The following TTYH3 variants were observed in gnomAD, a reference collection of about 807,000 sequenced individuals.
TTYH3 encodes protein tweety homolog 3.
TTYH3 carries 23 observed loss-of-function variants against 68.2 expected under a neutral mutation model. The observed-to-expected ratio is 0.34, with a 90% CI of 0.24 to 0.48. The LOEUF is 0.48. TTYH3 is among the 20% of genes least tolerant of loss of function. TTYH3 has a pLI of 0.99. For missense variants in TTYH3, 768 were observed against 727.7 expected, an observed-to-expected ratio of 1.06 and a Z score of -0.64; for synonymous variants, 360 against 332.8, an observed-to-expected ratio of 1.08 and a Z score of -0.89.
chr7:2,662,265 G>A lies in TTYH3; in HGVS notation c.*526G>A. The A allele has an allele frequency of 5.6e-6, 1 of 177,332 alleles. No homozygotes were observed. Among genetic ancestry groups the A allele is most frequent in the South Asian group, 1.2e-4 (1 of 8,012 alleles). 11.0% of individuals were successfully genotyped at this position (177,332 alleles called of 1,614,324 possible). A position where few individuals can be genotyped will look rare whatever the true frequency, so the allele number is the denominator to read the frequency against. On this transcript the variant is annotated 3_prime_UTR_variant, in exon 14 of 14. Coordinates refer to ENST00000258796, the MANE Select transcript of TTYH3 (RefSeq NM_025250.3). ...CTCCACGTGCCCATCTCTCTGCAGTGCCCTCCTCGCCTGTGCAGCCCGCCC... is the reference window on the plus strand; with the variant it reads ...CTCCACGTGCCCATCTCTCTGCAGTACCCTCCTCGCCTGTGCAGCCCGCCC...
chr7:2,659,794 C>T, intron 13 of TTYH3: 1 of 1,100,198 alleles, frequency 9.1e-7, no homozygotes, highest in South Asian at 1.6e-5. Flanking sequence ...GTTCAGGCCA[C>T]ACAGGTGCAG....
intron 9 of TTYH3, among the ~76,000 whole-genome samples, chr7:2,654,608 C>T (rs1583573412): frequency 1.3e-5 from 2 of 152,296 alleles, no homozygotes; most frequent in South Asian, 4.1e-4. Flanking sequence ...ACCCCCATAG[C>T]ACAGCAGCCC....
Position 2,663,508 on chromosome 7 carries a change from CA to C in TTYH3, c.*1770del, listed in dbSNP as rs1786545560. On this transcript the variant is annotated 3_prime_UTR_variant, in exon 14 of 14. Transcript: ENST00000258796. The stretch of plus-strand genomic sequence containing the variant: ...GAGCTCCCCAGGCATGACCAAACCT[CA>C]GTGGAGGGGCCTCTGCTTCAGGCCC... 6.6e-6 allele frequency: 1 copy of C among 152,536 alleles called. No homozygotes were observed. Among genetic ancestry groups the C allele is most frequent in the Non-Finnish European group, 1.5e-5 (1 of 68,072 alleles). 9.4% of individuals were successfully genotyped at this position (152,536 alleles called of 1,614,324 possible).
chr7:2,651,795 C>T (rs180962038), intron 7 of TTYH3, among the ~76,000 whole-genome samples: 40 of 152,204 alleles, frequency 2.6e-4, no homozygotes, highest in African/African-American at 6.3e-4. Context: ...GTAAAGAGTT[C>T]GGAAGGTGGA....
chr7:2,649,885 C>G, intron 6 of TTYH3, 28 bp from the exon 7 acceptor site: 2 of 1,613,232 alleles, frequency 1.2e-6, no homozygotes, highest in Non-Finnish European at 1.7e-6. Flanking sequence ...CTTGGTCAAC[C>G]CCTCTTGCTT....
At chr7:2,639,402 C>T (rs752719859) in intron 1 of TTYH3, among the ~76,000 whole-genome samples, 10 of 152,220 alleles carry the variant, frequency 6.6e-5, no homozygotes, top group Non-Finnish European at 1.0e-4. Context: ...GCGGTACCCA[C>T]GATGCTCCCC....
chr7:2,650,606 G>A (rs184566256), intron 7 of TTYH3, among the ~76,000 whole-genome samples: 13 of 152,054 alleles, frequency 8.5e-5, no homozygotes, highest in Non-Finnish European at 1.3e-4. Context: ...CCAGAAGGAC[G>A]CTGCATCTCT....
Position 2,632,090 on chromosome 7 carries a change from C to A in TTYH3, c.-66C>A. 2 of 1,229,580 alleles carry A rather than the reference C, an allele frequency of 1.6e-6. No homozygotes were observed. The highest frequency in any genetic ancestry group is 6.5e-5 in the East Asian group (2 of 30,632). The allele number at this position is 1,229,580 out of a possible 1,614,324, so 76.2% of individuals were successfully genotyped here. On this transcript the variant is annotated 5_prime_UTR_variant, in exon 1 of 14. Coordinates refer to ENST00000258796, the MANE Select transcript of TTYH3 (RefSeq NM_025250.3). ...CGGGGGTCGACGGGTCCCTGAAGCC[C>A]GCGCCCCGGGCCAGCAAGGGAGCCC...
At chr7:2,647,792 A>C (rs1786040963) in intron 4 of TTYH3, 154 bp downstream of exon 4, 1 of 1,063,506 alleles carries the variant, frequency 9.4e-7, no homozygotes. Flanking sequence ...GAGTTCCCCT[A>C]ATGGGAGCCT....
Position 2,647,606 on chromosome 7 carries a change from G to C in TTYH3, c.594G>C (p.Leu198=). Reference sequence around the variant, plus strand: ...ACACGGCGGTGTCGCTGGAGGTGCTGGCGGAGCAGGTGGATCTCTACGACT... The same window carrying C: ...ACACGGCGGTGTCGCTGGAGGTGCTCGCGGAGCAGGTGGATCTCTACGACT... The part of the protein sequence containing the change: ...WRNTAVSLEV[L]AEQVDLYDWY... The change falls in exon 4 of 14, where the codon CTG becomes CTC. Residue 198 remains leucine, a synonymous_variant. Coordinates refer to ENST00000258796, the MANE Select transcript of TTYH3 (RefSeq NM_025250.3). The C allele has an allele frequency of 1.3e-6, 2 of 1,573,684 alleles. No homozygotes were observed. The highest frequency in any genetic ancestry group is 1.2e-5 in the South Asian group (1 of 85,582).
intron 8 of TTYH3, among the ~76,000 whole-genome samples, chr7:2,652,621 A>G (rs546306099): frequency 5.9e-5 from 9 of 152,262 alleles, no homozygotes; most frequent in Middle Eastern, 3.4e-3. Context: ...AGCCCTGTAC[A>G]CACTGCCTGT....
intron 5 of TTYH3, among the ~76,000 whole-genome samples, chr7:2,648,905 T>TGCAGTGGGGTGTGGAGCCC (rs1786077790): frequency 8.6e-5 from 4 of 46,276 alleles, no homozygotes; most frequent in Non-Finnish European, 1.3e-4. Flanking sequence ...TGTGCAGGCC[T>TGCAGTGGGGTGTGGAGCCC]GCAGTGGGGT....
At position 2,660,350 on chromosome 7, in the gene TTYH3, C is replaced by T. The variant is rs370251545; in HGVS notation, c.1501-1318C>T. ...TTCTGTCACCTCCCAGTGAGGAATCCATGCACCCAGACCCCTGTATGTGCC... is the reference window on the plus strand; with the variant it reads ...TTCTGTCACCTCCCAGTGAGGAATCTATGCACCCAGACCCCTGTATGTGCC... On this transcript the variant is annotated intron_variant, in intron 13 of 13. Coordinates refer to ENST00000258796, the MANE Select transcript of TTYH3 (RefSeq NM_025250.3). 7.9e-4 allele frequency: 775 copies of T among 985,428 alleles called. 3 individuals carry two copies. In the African/African-American group the frequency reaches 0.013, roughly 16 times the overall value. The allele number at this position is 985,428 out of a possible 1,614,324, so 61.0% of individuals were successfully genotyped here.
intron 4 of TTYH3, 59 bp downstream of exon 4, chr7:2,647,697 C>T (rs1254525445): frequency 1.3e-6 from 2 of 1,508,464 alleles, no homozygotes; most frequent in East Asian, 5.0e-5. Flanking sequence ...CCTCCTTGGG[C>T]CAATTTTTGC....
In TTYH3 at chr7:2,645,192, C is replaced by G. The variant is rs543162947; in HGVS notation, c.124-1661C>G. Among the ~76,000 whole-genome samples, 68 of 152,336 alleles carry G rather than the reference C, an allele frequency of 4.5e-4. No individual in the cohort carries two copies. The highest frequency in any genetic ancestry group is 8.2e-4 in the Non-Finnish European group (56 of 68,026). ...ATGATGAGGCGCAGCCCTGTATCAG[C>G]TCCCCATCCCTCCCCCGGCACAGGA... On this transcript the variant is annotated intron_variant, in intron 1 of 13. Coordinates refer to ENST00000258796, the MANE Select transcript of TTYH3 (RefSeq NM_025250.3). This position sits in a 1 kb window ranked among gnomAD's most constrained non-coding sequence, Gnocchi z 4.8.
At chr7:2,653,222 C>T (rs1413735336) in intron 9 of TTYH3, among the ~76,000 whole-genome samples, 2 of 152,206 alleles carry the variant, frequency 1.3e-5, no homozygotes, top group African/African-American at 4.8e-5. Flanking sequence ...TCCCCTTCCT[C>T]CCTCCTTCAT....
Position 2,663,992 on chromosome 7 carries a change from C to T in TTYH3, c.*2253C>T, listed in dbSNP as rs529415764. The T allele has an allele frequency of 1.3e-5, 2 of 152,616 alleles. No homozygotes were observed. The highest frequency in any genetic ancestry group is 4.8e-5 in the African/African-American group (2 of 41,598). 9.5% of individuals were successfully genotyped at this position (152,616 alleles called of 1,614,324 possible). On this transcript the variant is annotated 3_prime_UTR_variant, in exon 14 of 14. Transcript: ENST00000258796. ...CTAACTACTCCATCCCATGACCTCG[C>T]CACACCTACTGGGGCATCTGGCTGG...
chr7:2,656,379 T>A lies in TTYH3; in HGVS notation c.1114-19T>A. On this transcript the variant is annotated intron_variant, in intron 10 of 13. Transcript: ENST00000258796. ...CCCTCCCTGTCTCTGGATCCTGCCATCTCATCCCACGGCCTCAGGACTACG... is the reference window on the plus strand; with the variant it reads ...CCCTCCCTGTCTCTGGATCCTGCCAACTCATCCCACGGCCTCAGGACTACG... 1 of 1,601,684 alleles carries A rather than the reference T, an allele frequency of 6.2e-7. No homozygotes were observed. Among genetic ancestry groups the A allele is most frequent in the Non-Finnish European group, 8.5e-7 (1 of 1,174,364 alleles).
At chr7:2,642,442 T>C (rs1197892213) in intron 1 of TTYH3, among the ~76,000 whole-genome samples, 1 of 141,526 alleles carries the variant, frequency 7.1e-6, no homozygotes, top group Non-Finnish European at 1.5e-5. Context: ...CTCAGGAGGC[T>C]AAGGTAGGAG....
Sources: gnomAD v4.1 joint callset for allele counts (sites outside exome capture counted in the v4.1 genomes callset) on GRCh38, gnomAD v4.1.1 for gene constraint, Gnocchi (gnomAD v3.1) non-coding constraint, MANE v1.5 for transcripts, NCBI Gene and HGNC (gene_info 2026-07-23, HGNC 2026-07-21) for gene names.